The following ZNF148 variants were observed in gnomAD, a reference collection of about 807,000 sequenced individuals.
ZNF148 encodes the protein Beta-Enolase Repressor Factor-1.
Under a neutral mutation model 67.7 loss-of-function variants are expected in ZNF148, and 7 were observed. That is an observed-to-expected ratio of 0.10 (90% CI 0.06 to 0.19). ZNF148 has a LOEUF of 0.19. Ranked by LOEUF, ZNF148 falls within the 10% of genes least tolerant of loss-of-function variation. The probability of loss-of-function intolerance (pLI) is 1.00; values close to 1 mark genes in which losing one functional copy is unlikely to be tolerated. For synonymous variants in ZNF148, 333 were observed against 330.7 expected, an observed-to-expected ratio of 1.01 and a Z score of -0.08; for missense variants, 583 against 947.1, an observed-to-expected ratio of 0.62 and a Z score of 5.05.
intron 7 of ZNF148, among the ~76,000 whole-genome samples, chr3:125,269,372 T>C (rs527558246): frequency 1.2e-4 from 18 of 148,400 alleles, no homozygotes; most frequent in African/African-American, 3.7e-4. Flanking sequence ...CATAGCAACA[T>C]CATCTTTAAA....
intron 1 of ZNF148, among the ~76,000 whole-genome samples, chr3:125,352,249 C>T (rs1942180380): frequency 1.3e-5 from 2 of 151,992 alleles, no homozygotes; most frequent in South Asian, 2.1e-4. Context: ...ACACATGCTA[C>T]ATCATGTAAC....
chr3:125,334,988 G>A (rs1327097431), intron 1 of ZNF148, among the ~76,000 whole-genome samples: 1 of 152,134 alleles, frequency 6.6e-6, no homozygotes, highest in Non-Finnish European at 1.5e-5. Context: ...AAATCCTTTA[G>A]CTACTACAAG....
rs189677292 is a variant in ZNF148 at position 125,282,903 on chromosome 3, T to C, written c.460-3656A>G. On this transcript the variant is annotated intron_variant, in intron 5 of 8. Coordinates refer to ENST00000360647, the MANE Select transcript of ZNF148 (RefSeq NM_021964.3). Reference sequence around the variant, plus strand: ...GTTTTCTTAAAAGGCAGACATGATTTTTCACATTCAAATGTGTACTACTAA... The same window carrying C: ...GTTTTCTTAAAAGGCAGACATGATTCTTCACATTCAAATGTGTACTACTAA... Among the ~76,000 whole-genome samples, 14 of 152,304 alleles carry C rather than the reference T, an allele frequency of 9.2e-5. No homozygotes were observed. The East Asian group carries it at 2.7e-3, about 29-fold the overall frequency.
intron 1 of ZNF148, among the ~76,000 whole-genome samples, chr3:125,351,290 G>A (rs1456090082): frequency 2.7e-5 from 4 of 147,318 alleles, no homozygotes; most frequent in East Asian, 4.0e-4. Context: ...GCTGAGGCGA[G>A]AAGCTTGTTT....
intron 5 of ZNF148, among the ~76,000 whole-genome samples, chr3:125,283,224 A>G (rs1271662398): frequency 1.3e-5 from 2 of 152,160 alleles, no homozygotes; most frequent in African/African-American, 4.8e-5. Flanking sequence ...TGTCCTGGTC[A>G]TCGTTAATAA....
rs1936608001 is a variant in ZNF148, at chr3:125,246,546, GT to G, written c.668-12218del. ...AATAGAATATACCTCAGAGCCAAAT[GT>G]TAAATGAGATAATTAATGTGAAGTA... On this transcript the variant is annotated intron_variant, in intron 7 of 8. Transcript: ENST00000360647. 3.3e-5 allele frequency among the ~76,000 whole-genome samples: 5 copies of G among 152,176 alleles called. No individual in the cohort carries two copies. The South Asian group carries it at 1.0e-3, about 32-fold the overall frequency.
At chr3:125,249,100 G>C (rs572355418) in intron 7 of ZNF148, among the ~76,000 whole-genome samples, 1 of 152,300 alleles carries the variant, frequency 6.6e-6, no homozygotes, top group East Asian at 1.9e-4. Flanking sequence ...ATGGGAGAAA[G>C]CTCCTTGACA....
chr3:125,343,944 C>A, intron 1 of ZNF148: 1 of 164,030 alleles, frequency 6.1e-6, no homozygotes, highest in Admixed American at 6.3e-5. Flanking sequence ...GTTGAGCTGT[C>A]TATAAATACT....
chr3:125,313,824 G>A (rs1007682251), intron 3 of ZNF148, among the ~76,000 whole-genome samples, 168 bp from the exon 4 acceptor site: 3 of 151,996 alleles, frequency 2.0e-5, no homozygotes, highest in Non-Finnish European at 2.9e-5. Context: ...GTTTCCAAAG[G>A]CTGGTAGAAT....
chr3:125,368,423 A>G (rs575190790), intron 1 of ZNF148, among the ~76,000 whole-genome samples: 7 of 152,320 alleles, frequency 4.6e-5, no homozygotes, highest in Middle Eastern at 3.4e-3. Context: ...CCCTGTTCAA[A>G]ATATTTCCAA....
chr3:125,316,882 T>C (rs1207644301), intron 3 of ZNF148, among the ~76,000 whole-genome samples: 1 of 152,140 alleles, frequency 6.6e-6, no homozygotes, highest in Non-Finnish European at 1.5e-5. Context: ...ATCTTATGCC[T>C]AGCATCAAGC....
At chr3:125,276,403 TA>T (rs1214550880) in intron 7 of ZNF148, among the ~76,000 whole-genome samples, 1 of 151,708 alleles carries the variant, frequency 6.6e-6, no homozygotes, top group Non-Finnish European at 1.5e-5. Context: ...GTTGCACAGT[TA>T]AAGTTTTATT....
chr3:125,255,989 AT>A, intron 7 of ZNF148, among the ~76,000 whole-genome samples: 1 of 152,156 alleles, frequency 6.6e-6, no homozygotes, highest in South Asian at 2.1e-4. Flanking sequence ...TTCTTCATCA[AT>A]TTTGTAAAGT....
At chr3:125,272,303 T>C (rs1040594806) in intron 7 of ZNF148, among the ~76,000 whole-genome samples, 1 of 152,248 alleles carries the variant, frequency 6.6e-6, no homozygotes, top group East Asian at 1.9e-4. Context: ...AATGACTATA[T>C]GTAAGAATGA....
intron 1 of ZNF148, among the ~76,000 whole-genome samples, chr3:125,359,257 C>A (rs775031360): frequency 2.0e-5 from 3 of 152,212 alleles, no homozygotes; most frequent in Non-Finnish European, 4.4e-5. Flanking sequence ...GAAGTTAAGG[C>A]AGGAAGAAAG....
Position 125,232,909 on chromosome 3 carries a change from G to C in ZNF148, c.1817C>G (p.Ser606Cys), listed in dbSNP as rs761829528. 1.2e-6 allele frequency: 2 copies of C among 1,613,784 alleles called. No homozygotes were observed. Among genetic ancestry groups the C allele is most frequent in the Admixed American group, 3.3e-5 (2 of 59,984 alleles). Residue 606 changes from serine to cysteine, a missense_variant, in exon 9 of 9, where the codon TCC (serine) becomes TGC (cysteine). Transcript: ENST00000360647. This position sits in a 1 kb window ranked among gnomAD's most constrained non-coding sequence, Gnocchi z 4.2. ...GTCCAAAGCCTGCTGCAGAAACTTG[G>C]AGTATTCCTGCAACATGTTGGCTTT... ...SDKANMLQEY[S>C]KFLQQALDRT...
At chr3:125,324,615 G>C (rs1940940098) in intron 2 of ZNF148, among the ~76,000 whole-genome samples, 1 of 152,158 alleles carries the variant, frequency 6.6e-6, no homozygotes, top group African/African-American at 2.4e-5. Flanking sequence ...TATCTATCAA[G>C]AATAGTTCAC....
chr3:125,351,430 T>G (rs1166184272), intron 1 of ZNF148, among the ~76,000 whole-genome samples: 3 of 148,030 alleles, frequency 2.0e-5, no homozygotes, highest in East Asian at 1.9e-4. Flanking sequence ...CAATGGGTAT[T>G]GTTTAAGCTA....
chr3:125,311,898 G>A (rs903470340), intron 4 of ZNF148, among the ~76,000 whole-genome samples: 1 of 152,086 alleles, frequency 6.6e-6, no homozygotes, highest in Non-Finnish European at 1.5e-5. Flanking sequence ...CACACAAGAA[G>A]AATCAGATAA....
Sources: gnomAD v4.1 joint callset for allele counts (sites outside exome capture counted in the v4.1 genomes callset) on GRCh38, gnomAD v4.1.1 for gene constraint, Gnocchi (gnomAD v3.1) non-coding constraint, MANE v1.5 for transcripts, NCBI Gene and HGNC (gene_info 2026-07-23, HGNC 2026-07-21) for gene names.